RIMBP2: variants seen among roughly 807,000 people sequenced by gnomAD.
RIMBP2 encodes the protein RIMS binding protein 2, also known as RIMS-binding protein 2.
RIMBP2 carries 48 observed loss-of-function variants against 118.6 expected under a neutral mutation model. The ratio of observed to expected loss-of-function variants is 0.40; its 90% CI spans 0.32 to 0.51. The LOEUF is 0.51. Among genes scored for constraint, RIMBP2 ranks in the 20% least tolerant of loss-of-function variants. The pLI, the probability that RIMBP2 is intolerant of heterozygous loss-of-function variation, is 0.41. For synonymous variants in RIMBP2, 762 were observed against 742.9 expected (o/e 1.03, Z -0.42); for missense variants, 1,551 against 1,768.3 (o/e 0.88, Z 2.20).
chr12:130,646,621 C>T (rs78752597), intron 1 of RIMBP2, among the ~76,000 whole-genome samples: 2,088 of 152,322 alleles, frequency 0.014, 18 homozygotes, highest in South Asian at 0.058. Context: ...GACAACCAAT[C>T]TTAGAGGTAT....
intron 2 of RIMBP2, among the ~76,000 whole-genome samples, chr12:130,524,297 T>A (rs1469059294): frequency 6.6e-6 from 1 of 152,144 alleles, no homozygotes; most frequent in South Asian, 2.1e-4. Flanking sequence ...GTCCTCTACC[T>A]GTGGTTCCAG....
intron 11 of RIMBP2, among the ~76,000 whole-genome samples, chr12:130,439,927 G>C (rs978727226): frequency 6.6e-6 from 1 of 151,230 alleles, no homozygotes; most frequent in African/African-American, 2.4e-5. Context: ...GGGGGTGTCT[G>C]TGGGTGTGTG....
chr12:130,705,998 T>C (rs2066098435), intron 1 of RIMBP2, among the ~76,000 whole-genome samples: 1 of 152,168 alleles, frequency 6.6e-6, no homozygotes, highest in African/African-American at 2.4e-5. Context: ...CTACAAGAAA[T>C]CTGGGCTGCA....
chr12:130,609,553 T>G (rs2060386362), intron 2 of RIMBP2, among the ~76,000 whole-genome samples: 1 of 149,314 alleles, frequency 6.7e-6, no homozygotes, highest in Admixed American at 6.6e-5. Flanking sequence ...AGCGGGGTGG[T>G]TAGTCAGGGT....
At chr12:130,425,111 C>T (rs1042381349) in intron 15 of RIMBP2, 12 of 360,202 alleles carry the variant, frequency 3.3e-5, no homozygotes, top group Admixed American at 1.4e-4. Flanking sequence ...CAGGAGCCAG[C>T]GCCATGCATC....
At chr12:130,501,898 C>T (rs926462608) in intron 4 of RIMBP2, among the ~76,000 whole-genome samples, 7 of 152,236 alleles carry the variant, frequency 4.6e-5, no homozygotes, top group Non-Finnish European at 8.8e-5. Context: ...TTCTTGCTGA[C>T]GTAATTTCTT....
chr12:130,401,114 A>ATATC (rs570895346), intron 21 of RIMBP2, among the ~76,000 whole-genome samples: 98 of 151,664 alleles, frequency 6.5e-4, no homozygotes, highest in African/African-American at 2.3e-3. Flanking sequence ...AAATGATTTT[A>ATATC]TATCTTTTTT....
rs1566042293 is a variant in RIMBP2 at position 130,441,414 on chromosome 12, A to ATAATAATC, written c.1504+433_1504+434insGATTATTA. Among the ~76,000 whole-genome samples, 7 of 75,734 alleles carry ATAATAATC rather than the reference A, an allele frequency of 9.2e-5. No homozygotes were observed. In the South Asian group the frequency reaches 2.6e-3, roughly 28 times the overall value. The allele number at this position is 75,734 out of a possible 152,430, so 49.7% of individuals were successfully genotyped here. Reference sequence around the variant, plus strand: ...AGACTCCATCTCAAATAATAATAATAATAATAATAATAATAATAATAATAA... The same window carrying ATAATAATC: ...AGACTCCATCTCAAATAATAATAATATAATAATCATAATAATAATAATAATAATAATAA... On this transcript the variant is annotated intron_variant, in intron 11 of 22. Coordinates refer to ENST00000690449, the MANE Select transcript of RIMBP2 (RefSeq NM_001393629.1).
intron 6 of RIMBP2, among the ~76,000 whole-genome samples, chr12:130,463,899 T>C (rs972256989): frequency 1.4e-5 from 2 of 146,742 alleles, no homozygotes; most frequent in African/African-American, 5.1e-5. Flanking sequence ...AAAACCAAGA[T>C]GGCAAAGAGA....
chr12:130,539,078 C>A (rs533846097), intron 2 of RIMBP2, among the ~76,000 whole-genome samples: 1 of 152,170 alleles, frequency 6.6e-6, no homozygotes, highest in African/African-American at 2.4e-5. Flanking sequence ...TCCAGCTTGC[C>A]CCTTTTAAAT....
intron 2 of RIMBP2, among the ~76,000 whole-genome samples, chr12:130,586,339 C>A (rs1189408498): frequency 1.3e-5 from 2 of 152,178 alleles, no homozygotes; most frequent in African/African-American, 4.8e-5. Flanking sequence ...GCAATCCCAG[C>A]TACATGGGAG....
At position 130,447,145 on chromosome 12, in the gene RIMBP2, C is replaced by T. The variant is rs1192869049; in HGVS notation, c.582-1876G>A. ...GCCACGCCTTCAGGAGTGCCCACAC[C>T]TGACGCTCAGGAAGAGAAGCTTCCC... On this transcript the variant is annotated intron_variant, in intron 9 of 22. Coordinates refer to ENST00000690449, the MANE Select transcript of RIMBP2 (RefSeq NM_001393629.1). This position sits in a 1 kb window ranked among gnomAD's most constrained non-coding sequence, Gnocchi z 4.4. 1.3e-5 allele frequency among the ~76,000 whole-genome samples: 2 copies of T among 151,780 alleles called. No homozygotes were observed. Among genetic ancestry groups the T allele is most frequent in the African/African-American group, 2.4e-5 (1 of 41,316 alleles).
In RIMBP2 at chr12:130,701,184, C is replaced by T. The variant is rs143230868; in HGVS notation, c.-352+15038G>A. 3.7e-3 allele frequency among the ~76,000 whole-genome samples: 557 copies of T among 152,238 alleles called. 5 individuals carry two copies. Among genetic ancestry groups the T allele is most frequent in the African/African-American group, 0.013 (532 of 41,528 alleles). ...GACAGGGAGCCACTCTGAGCCATGC[C>T]CACGGGGTAAGAAGGGAAGCAGCAG... is the stretch of plus-strand genomic sequence containing the variant. On this transcript the variant is annotated intron_variant, in intron 1 of 22. Coordinates refer to ENST00000690449, the MANE Select transcript of RIMBP2 (RefSeq NM_001393629.1).
intron 2 of RIMBP2, among the ~76,000 whole-genome samples, chr12:130,532,643 T>C (rs2053569149): frequency 7.2e-6 from 1 of 138,450 alleles, no homozygotes; most frequent in African/African-American, 2.6e-5. Flanking sequence ...GTACGTCTAA[T>C]GAGATGCATG....
chr12:130,444,622 T>A (rs2078381673), intron 10 of RIMBP2, among the ~76,000 whole-genome samples: 1 of 152,200 alleles, frequency 6.6e-6, no homozygotes, highest in Admixed American at 6.5e-5. Context: ...GCCTTTCAGA[T>A]GATTTCAAAT....
At position 130,436,974 on chromosome 12, in the gene RIMBP2, C is replaced by T. The variant is rs565981416; in HGVS notation, c.1974G>A (p.Pro658=). The T allele has an allele frequency of 2.5e-5, 41 of 1,608,748 alleles. No homozygotes were observed. Among genetic ancestry groups the T allele is most frequent in the Middle Eastern group, 1.7e-4 (1 of 5,984 alleles). The change falls in exon 13 of 23, where the codon CCG becomes CCA. Residue 658 remains proline, a synonymous_variant. Coordinates refer to ENST00000690449, the MANE Select transcript of RIMBP2 (RefSeq NM_001393629.1). ...PGPVHGHMLE[P]PVGPGRRSPS... ...GCGACCGCCTTCCGGGGCCCACGGG[C>T]GGCTCCAGCATGTGCCCATGCACAG... is the stretch of plus-strand genomic sequence containing the variant.
chr12:130,423,311 G>A (rs2076534232), intron 16 of RIMBP2, among the ~76,000 whole-genome samples: 1 of 152,224 alleles, frequency 6.6e-6, no homozygotes, highest in Non-Finnish European at 1.5e-5. Context: ...CAGGGCAGGG[G>A]AGGCTGCGGG....
chr12:130,703,883 G>A lies in RIMBP2; in HGVS notation c.-352+12339C>T, dbSNP rs1470691172. ...CCCTGAGCCTGAGCCTGAACGCAGC[G>A]CAGAGGTCTGGGGCCCGACCACCCT... On this transcript the variant is annotated intron_variant, in intron 1 of 22. Transcript: ENST00000690449. This position sits in a 1 kb window ranked among gnomAD's most constrained non-coding sequence, Gnocchi z 5.7. 2.6e-5 allele frequency among the ~76,000 whole-genome samples: 4 copies of A among 152,106 alleles called. No individual in the cohort carries two copies. The highest frequency in any genetic ancestry group is 9.7e-5 in the African/African-American group (4 of 41,418).
chr12:130,653,102 C>T (rs1448382607), intron 1 of RIMBP2, among the ~76,000 whole-genome samples: 1 of 152,164 alleles, frequency 6.6e-6, no homozygotes, highest in Non-Finnish European at 1.5e-5. Context: ...TACAATCATG[C>T]CTTCCCAACA....
Sources: allele counts gnomAD v4.1 joint callset (sites outside exome capture counted in the v4.1 genomes callset), GRCh38; gene constraint gnomAD v4.1.1; non-coding constraint Gnocchi (gnomAD v3.1); transcripts MANE v1.5; gene names NCBI Gene and HGNC (gene_info 2026-07-23, HGNC 2026-07-21).